FYB1: variants seen among roughly 807,000 people sequenced by gnomAD.
FYB1 encodes the protein FYN binding protein 1, also known as FYN-binding protein 1.
In FYB1, 41 loss-of-function variants were observed where a neutral mutation model predicts 94.1. The observed-to-expected ratio is 0.44, with a 90% CI of 0.34 to 0.57. FYB1 has a LOEUF of 0.57. FYB1 is among the 20% of genes least tolerant of loss of function. The probability of loss-of-function intolerance (pLI) is 0.02; values close to 1 mark genes in which losing one functional copy is unlikely to be tolerated. For missense variants in FYB1, 1,050 were observed against 976.8 expected, an observed-to-expected ratio of 1.07 and a Z score of -1.00; for synonymous variants, 367 against 353.2, an observed-to-expected ratio of 1.04 and a Z score of -0.44.
chr5:39,198,217 C>T (rs1025339702), intron 2 of FYB1, among the ~76,000 whole-genome samples: 6 of 152,054 alleles, frequency 3.9e-5, no homozygotes, highest in South Asian at 2.1e-4. Context: ...AAGACATACA[C>T]GGAAAGAGGT....
At chr5:39,241,869 GATTTGTTCATAGA>G (rs1561301735) in intron 1 of FYB1, among the ~76,000 whole-genome samples, 1 of 150,618 alleles carries the variant, frequency 6.6e-6, no homozygotes, top group African/African-American at 2.4e-5. Flanking sequence ...TTTTAATAAA[GATTTGTTCATAGA>G]ATTTGTTATT....
intron 1 of FYB1, among the ~76,000 whole-genome samples, chr5:39,214,542 G>A (rs1432346169): frequency 6.6e-6 from 1 of 152,208 alleles, no homozygotes; most frequent in Non-Finnish European, 1.5e-5. Flanking sequence ...TAATACAATG[G>A]AATGTTATTC....
intron 1 of FYB1, among the ~76,000 whole-genome samples, chr5:39,253,276 AACT>A (rs1258608754): frequency 6.6e-6 from 1 of 152,172 alleles, no homozygotes; most frequent in African/African-American, 2.4e-5. Flanking sequence ...TATTAAAGAT[AACT>A]CTCAAATATA....
chr5:39,222,670 G>T (rs1345701384), upstream of FYB1, among the ~76,000 whole-genome samples: 2 of 152,178 alleles, frequency 1.3e-5, no homozygotes, highest in Non-Finnish European at 2.9e-5. Flanking sequence ...ATGCTATGAG[G>T]TGAGTTTAGT....
At chr5:39,230,569 T>C (rs1033471730) in intron 1 of FYB1, among the ~76,000 whole-genome samples, 1 of 150,978 alleles carries the variant, frequency 6.6e-6, no homozygotes, top group Non-Finnish European at 1.5e-5. Context: ...TATATTTCTG[T>C]ATATGTGTGT....
intron 2 of FYB1, among the ~76,000 whole-genome samples, chr5:39,193,032 G>A (rs922372951): frequency 1.9e-4 from 29 of 152,206 alleles, no homozygotes; most frequent in Admixed American, 1.9e-3. Flanking sequence ...TTGCAGGTTA[G>A]GAGAGGGCAG....
At position 39,219,320 on chromosome 5, in the gene FYB1, T is replaced by C. The variant is rs149723448; in HGVS notation, c.-28+123A>G. Reference sequence around the variant, plus strand: ...TCTTTTGCTATTTTCCAACAGAACATGCGTTTCCTTCAGTTATTCAGCTAG... The same window carrying C: ...TCTTTTGCTATTTTCCAACAGAACACGCGTTTCCTTCAGTTATTCAGCTAG... On this transcript the variant is annotated intron_variant, in intron 1 of 18. Coordinates refer to ENST00000512982, the MANE Select transcript of FYB1 (RefSeq NM_001465.6). 1,920 of 514,430 alleles carry C rather than the reference T, an allele frequency of 3.7e-3. 8 individuals are homozygous for C. The highest frequency in any genetic ancestry group is 4.2e-3 in the Non-Finnish European group (1,674 of 399,706). The allele number at this position is 514,430 out of a possible 1,614,324, so 31.9% of individuals were successfully genotyped here. A position where few individuals can be genotyped will look rare whatever the true frequency, so the allele number is the denominator to read the frequency against.
chr5:39,105,746 A>T lies in FYB1; in HGVS notation c.*1697T>A, dbSNP rs560449965. 1.3e-5 allele frequency: 2 copies of T among 152,306 alleles called. No individual in the cohort carries two copies. The highest frequency in any genetic ancestry group is 4.1e-4 in the South Asian group (2 of 4,824). 9.4% of individuals were successfully genotyped at this position (152,306 alleles called of 1,614,324 possible). ...ACTTTTGAACCAGGTAATTTTATCT[A>T]GTGTGAAAAGAAATTAATCACATGG... On this transcript the variant is annotated 3_prime_UTR_variant, in exon 19 of 19. Transcript: ENST00000512982.
At chr5:39,107,496 G>C in intron 18 of FYB1, 31 bp from the exon 19 acceptor site, 1 of 1,433,952 alleles carries the variant, frequency 7.0e-7, no homozygotes, top group Non-Finnish European at 9.5e-7. Flanking sequence ...TTTAAATATA[G>C]TTATTAAAAA....
At chr5:39,133,474 C>CA (rs982662039) in intron 9 of FYB1, among the ~76,000 whole-genome samples, 2 of 151,436 alleles carry the variant, frequency 1.3e-5, no homozygotes, top group East Asian at 1.9e-4. Context: ...AAAAGAATGA[C>CA]AAAAAATCAG....
chr5:39,147,774 A>G (rs981144545), intron 3 of FYB1, among the ~76,000 whole-genome samples: 3 of 139,712 alleles, frequency 2.1e-5, no homozygotes, highest in African/African-American at 8.1e-5. Flanking sequence ...TCCGCCTCCC[A>G]GGTTCACGCC....
At chr5:39,233,464 C>A (rs1345483) in intron 1 of FYB1, among the ~76,000 whole-genome samples, 23,094 of 152,036 alleles carry the variant, frequency 0.15, 4,640 homozygotes, top group African/African-American at 0.44. Flanking sequence ...GGTTTCAAGA[C>A]CATTGAATGC....
chr5:39,246,255 T>C (rs1751474119), intron 1 of FYB1, among the ~76,000 whole-genome samples: 3 of 152,166 alleles, frequency 2.0e-5, no homozygotes. Context: ...AGTTGTTCTA[T>C]GACTTCATCC....
At chr5:39,152,447 C>T (rs1244009809) in intron 3 of FYB1, among the ~76,000 whole-genome samples, 1 of 152,094 alleles carries the variant, frequency 6.6e-6, no homozygotes, top group East Asian at 1.9e-4. Context: ...GAACATCAAT[C>T]TGGTAGGGGA....
At chr5:39,148,096 G>GCTC (rs1742847478) in intron 3 of FYB1, among the ~76,000 whole-genome samples, 1 of 140,138 alleles carries the variant, frequency 7.1e-6, no homozygotes, top group Non-Finnish European at 1.5e-5. Flanking sequence ...CTAATGCCCG[G>GCTC]CTCCTGCAAT....
intron 1 of FYB1, among the ~76,000 whole-genome samples, chr5:39,230,844 T>TACACACACACACAC (rs10641788): frequency 3.4e-4 from 49 of 143,642 alleles, no homozygotes; most frequent in African/African-American, 1.1e-3. Context: ...TGTCTCAGTA[T>TACACACACACACAC]ACACACACAC....
At chr5:39,210,136 T>G (rs2150521912) in intron 1 of FYB1, among the ~76,000 whole-genome samples, 1 of 152,174 alleles carries the variant, frequency 6.6e-6, no homozygotes, top group African/African-American at 2.4e-5. Context: ...GTAGCCCTGA[T>G]TGTGACAACC....
intron 1 of FYB1, chr5:39,270,926 A>ATGTGTGTG (rs4018945): frequency 6.0e-5 from 10 of 166,494 alleles, no homozygotes; most frequent in Admixed American, 1.9e-4. Flanking sequence ...TTGGATACAT[A>ATGTGTGTG]TGTGTGTGTG....
At position 39,202,210 on chromosome 5, in the gene FYB1, C is replaced by A. The variant is rs1469579110; in HGVS notation, c.751G>T (p.Ala251Ser). ...AAGGGCAAACTTGAAATCTCCCCTG[C>A]ATGGTCTTTATTTTCTGAGTCTTCC... ...AREDSENKDHAGEISSLPFPG... is the reference protein window; with the variant it reads ...AREDSENKDHSGEISSLPFPG... The change falls in exon 2 of 19, where the codon GCA becomes TCA. Residue 251 changes from alanine (A) to serine (S), a missense_variant. Physicochemically the swap from Ala to Ser is moderately conservative, Grantham distance 99. Coordinates refer to ENST00000512982, the MANE Select transcript of FYB1 (RefSeq NM_001465.6). 15 of 1,614,036 alleles carry A rather than the reference C, an allele frequency of 9.3e-6. No homozygotes were observed. The highest frequency in any genetic ancestry group is 1.3e-5 in the Non-Finnish European group (15 of 1,179,896).
Sources: allele counts gnomAD v4.1 joint callset (sites outside exome capture counted in the v4.1 genomes callset), GRCh38; gene constraint gnomAD v4.1.1; transcripts MANE v1.5; gene names NCBI Gene and HGNC (gene_info 2026-07-23, HGNC 2026-07-21).